The following NATD1 variants were observed in gnomAD, a reference collection of about 807,000 sequenced individuals.
NATD1 encodes the protein protein NATD1.
A neutral mutation model predicts 12.0 loss-of-function variants in NATD1; 9 were observed. The observed-to-expected ratio is 0.75, with a 90% CI of 0.45 to 1.30. The LOEUF (loss-of-function observed/expected upper bound fraction) is 1.30, where lower values mean the gene tolerates loss of function less well. Among genes scored for constraint, NATD1 ranks in the 50% most tolerant of loss-of-function variants. The probability of loss-of-function intolerance (pLI) is 0.00; values close to 1 mark genes in which losing one functional copy is unlikely to be tolerated. For missense variants in NATD1, 148 were observed against 148.5 expected, an observed-to-expected ratio of 1.00 and a Z score of 0.02; for synonymous variants, 71 against 65.9, an observed-to-expected ratio of 1.08 and a Z score of -0.37.
intron 2 of NATD1, 61 bp from the exon 3 acceptor site, chr17:21,243,490 T>C (rs1236084858): frequency 1.5e-6 from 2 of 1,351,942 alleles, no homozygotes; most frequent in African/African-American, 1.4e-5. Context: ...AAGGTAGCAT[T>C]GTCTGCTGCC....
chr17:21,243,365 T>C lies in NATD1; in HGVS notation c.290A>G (p.Lys97Arg). The C allele has an allele frequency of 6.2e-7, 1 of 1,613,532 alleles. No homozygotes were observed. The highest frequency in any genetic ancestry group is 1.1e-5 in the South Asian group (1 of 91,080). ...KAHLTCWYIQ[K>R]YVKENPLPQY... is the part of the protein sequence containing the mutation. Reference sequence around the variant, plus strand: ...CGGCAGGGGGTTCTCCTTGACGTACTTCTGGATGTACCAGCAGGTGAGATG... The same window carrying C: ...CGGCAGGGGGTTCTCCTTGACGTACCTCTGGATGTACCAGCAGGTGAGATG... The change falls in exon 3 of 3, where the codon AAG (lysine) becomes AGG (arginine). Residue 97 changes from lysine (K) to arginine (R), a missense_variant. Coordinates refer to ENST00000611551, the MANE Select transcript of NATD1 (RefSeq NM_152914.3).
chr17:21,246,471 A>G (rs1031595736), intron 1 of NATD1, among the ~76,000 whole-genome samples: 28 of 150,872 alleles, frequency 1.9e-4, no homozygotes, highest in African/African-American at 6.6e-4. Flanking sequence ...CTGAGACCGC[A>G]TCATTGCACT....
At chr17:21,243,697 G>C (rs901111811) in intron 2 of NATD1, among the ~76,000 whole-genome samples, 1 of 152,180 alleles carries the variant, frequency 6.6e-6, no homozygotes, top group South Asian at 2.1e-4. Flanking sequence ...CTGGCGGGGT[G>C]GGGGTGGAGG....
intron 2 of NATD1, 129 bp from the exon 3 acceptor site, chr17:21,243,558 G>C: frequency 1.5e-6 from 1 of 653,254 alleles, no homozygotes. Context: ...TAACTCCCTT[G>C]AGTTTCAGTG....
chr17:21,246,839 C>T (rs1490013392), intron 1 of NATD1, among the ~76,000 whole-genome samples: 3 of 152,162 alleles, frequency 2.0e-5, no homozygotes, highest in East Asian at 1.9e-4. Context: ...GTATGAGCCG[C>T]CCACTGGTGA....
intron 1 of NATD1, among the ~76,000 whole-genome samples, chr17:21,249,319 T>C (rs1161075136): frequency 1.3e-5 from 2 of 152,222 alleles, no homozygotes; most frequent in African/African-American, 4.8e-5. Context: ...GGCCGGCTTT[T>C]CTGGCACCTC....
intron 1 of NATD1, among the ~76,000 whole-genome samples, chr17:21,252,930 C>G (rs1022013745): frequency 2.6e-5 from 4 of 151,776 alleles, no homozygotes; most frequent in African/African-American, 9.7e-5. Context: ...CGTTCCACTT[C>G]CCGGAGCGCC....
At chr17:21,247,018 C>T (rs1294466294) in intron 1 of NATD1, among the ~76,000 whole-genome samples, 1 of 152,176 alleles carries the variant, frequency 6.6e-6, no homozygotes, top group Non-Finnish European at 1.5e-5. Flanking sequence ...AGCTTTTGCT[C>T]CAGCAGTCTC....
At chr17:21,245,054 A>T (rs1379302713) in intron 1 of NATD1, among the ~76,000 whole-genome samples, 1 of 152,192 alleles carries the variant, frequency 6.6e-6, no homozygotes, top group Non-Finnish European at 1.5e-5. Context: ...CCGGAAGGGG[A>T]GAAAGAGAAT....
chr17:21,247,204 T>C lies in NATD1; in HGVS notation c.107-2980A>G, dbSNP rs187876997. ...CTCAGTGATCGCACAGCTCAGCCAC[T>C]ACCATATTCCAGGCACCCAGCTCGG... On this transcript the variant is annotated intron_variant, in intron 1 of 2. Transcript: ENST00000611551. Among the ~76,000 whole-genome samples, 2 of 152,292 alleles carry C rather than the reference T, an allele frequency of 1.3e-5. 1 individual carries two copies. Among genetic ancestry groups the C allele is most frequent in the Admixed American group, 1.3e-4 (2 of 15,296 alleles).
At chr17:21,250,544 G>C (rs901963365) in intron 1 of NATD1, among the ~76,000 whole-genome samples, 1 of 152,152 alleles carries the variant, frequency 6.6e-6, no homozygotes, top group Non-Finnish European at 1.5e-5. Flanking sequence ...TACATGGTAG[G>C]TGCTCAACAA....
At chr17:21,246,042 T>C (rs1307676101) in intron 1 of NATD1, among the ~76,000 whole-genome samples, 2 of 152,154 alleles carry the variant, frequency 1.3e-5, no homozygotes, top group Non-Finnish European at 2.9e-5. Flanking sequence ...ACTGACTCCG[T>C]CACCAAGGGA....
intron 1 of NATD1, among the ~76,000 whole-genome samples, chr17:21,252,809 C>T (rs1213258524): frequency 1.3e-5 from 2 of 152,092 alleles, no homozygotes; most frequent in African/African-American, 4.8e-5. Flanking sequence ...GTGCGGGTCC[C>T]CTGCGGCTGA....
At chr17:21,245,257 G>T (rs537145043) in intron 1 of NATD1, among the ~76,000 whole-genome samples, 2 of 152,248 alleles carry the variant, frequency 1.3e-5, no homozygotes, top group South Asian at 4.1e-4. Context: ...GGGCAGAGAT[G>T]GGGGCAGGGA....
intron 1 of NATD1, among the ~76,000 whole-genome samples, chr17:21,247,396 G>C (rs1975334999): frequency 6.6e-6 from 1 of 152,222 alleles, no homozygotes; most frequent in East Asian, 1.9e-4. Context: ...GAGACAGCAG[G>C]ACAGAAGCGG....
rs1975283279 is a variant in NATD1 at position 21,242,372 on chromosome 17, C to A, written c.*941G>T. 6.6e-6 allele frequency: 1 copy of A among 152,290 alleles called. No individual in the cohort carries two copies. The highest frequency in any genetic ancestry group is 1.5e-5 in the Non-Finnish European group (1 of 68,076). 9.4% of individuals were successfully genotyped at this position (152,290 alleles called of 1,614,324 possible). A position where few individuals can be genotyped will look rare whatever the true frequency, so the allele number is the denominator to read the frequency against. On this transcript the variant is annotated 3_prime_UTR_variant, in exon 3 of 3. Coordinates refer to ENST00000611551, the MANE Select transcript of NATD1 (RefSeq NM_152914.3). ...GATGTCTGGCAGCAGCACAGAAACC[C>A]CTGTGGCTGATGTTTCTTCCTCTTG... is the stretch of plus-strand genomic sequence containing the variant.
chr17:21,245,057 AAG>A (rs1975313707), intron 1 of NATD1, among the ~76,000 whole-genome samples: 1 of 152,194 alleles, frequency 6.6e-6, no homozygotes, highest in African/African-American at 2.4e-5. Flanking sequence ...GAAGGGGAGA[AAG>A]AGAATAAACA....
chr17:21,242,406 GGGT>G lies in NATD1; in HGVS notation c.*904_*906del, dbSNP rs1975283603. Reference sequence around the variant, plus strand: ...GATGTTTCTTCCTCTTGGATGCTGAGGGTGGTTTTTGGAGAATAGTCAGCTTCA... The same window carrying G: ...GATGTTTCTTCCTCTTGGATGCTGAGGGTTTTTGGAGAATAGTCAGCTTCA... On this transcript the variant is annotated 3_prime_UTR_variant, in exon 3 of 3. Coordinates refer to ENST00000611551, the MANE Select transcript of NATD1 (RefSeq NM_152914.3). 1.3e-5 allele frequency: 2 copies of G among 152,278 alleles called. No homozygotes were observed. The highest frequency in any genetic ancestry group is 1.3e-4 in the Admixed American group (2 of 15,288). The allele number at this position is 152,278 out of a possible 1,614,324, so 9.4% of individuals were successfully genotyped here.
chr17:21,253,138 G>T, intron 1 of NATD1, 21 bp downstream of exon 1: 2 of 1,012,836 alleles, frequency 2.0e-6, no homozygotes, highest in Non-Finnish European at 2.4e-6. Flanking sequence ...AAAAGGTCGG[G>T]GCGGGCCGGG....
Sources: gnomAD v4.1 joint callset for allele counts (sites outside exome capture counted in the v4.1 genomes callset) on GRCh38, gnomAD v4.1.1 for gene constraint, MANE v1.5 for transcripts, NCBI Gene and HGNC (gene_info 2026-07-23, HGNC 2026-07-21) for gene names.